The following KIAA0825 variants were observed in gnomAD, a reference collection of about 807,000 sequenced individuals.
KIAA0825 encodes uncharacterized protein KIAA0825.
KIAA0825 carries 119 observed loss-of-function variants against 147.6 expected under a neutral mutation model. That is an observed-to-expected ratio of 0.81 (90% confidence interval 0.69 to 0.94). The LOEUF (loss-of-function observed/expected upper bound fraction) is 0.94. KIAA0825 is among the 40% of genes least tolerant of loss of function. The pLI, the probability that KIAA0825 is intolerant of heterozygous loss-of-function variation, is 0.00. For synonymous variants in KIAA0825, 470 were observed against 518.1 expected (o/e 0.91, Z 1.26); for missense variants, 1,381 against 1,472.7 (o/e 0.94, Z 1.02).
rs757581104 is a variant in KIAA0825, at chr5:94,452,988, G to A, written c.2328C>T (p.Cys776=). The A allele has an allele frequency of 1.3e-6, 2 of 1,528,106 alleles. No homozygotes were observed. Among genetic ancestry groups the A allele is most frequent in the East Asian group, 5.1e-5 (2 of 39,238 alleles). 94.7% of individuals were successfully genotyped at this position (1,528,106 alleles called of 1,614,324 possible). A position where few individuals can be genotyped will look rare whatever the true frequency, so the allele number is the denominator to read the frequency against. The change falls in exon 13 of 21, where the codon TGC becomes TGT. Residue 776 remains cysteine (C), a synonymous_variant. Transcript: ENST00000682413. The stretch of plus-strand genomic sequence containing the variant: ...GTAAAGAAGGGTAGAAATGTGATAT[G>A]CAAGAAACCCAATATAATGGTTGCT... ...FFKQPLYWVS[C]ISHFYPSLLR...
intron 20 of KIAA0825, among the ~76,000 whole-genome samples, chr5:94,366,068 C>A (rs984237446): frequency 6.6e-6 from 1 of 152,156 alleles, no homozygotes; most frequent in African/African-American, 2.4e-5. Context: ...TCATCTCCGA[C>A]CTGACCAATT....
Position 94,464,996 on chromosome 5 carries a change from G to T in KIAA0825, c.1936C>A (p.Leu646Ile). Residue 646 changes from leucine (L) to isoleucine (I), a missense_variant, in exon 11 of 21, where the codon CTC becomes ATC. Coordinates refer to ENST00000682413, the MANE Select transcript of KIAA0825 (RefSeq NM_001145678.3). The part of the protein sequence containing the change: ...HYFCWSLHYD[L>I]WTILPPKLAQ... Reference sequence around the variant, plus strand: ...AACTTAGGAGGCAGAATGGTCCAGAGATCGTAATGAAGAGACCAGCAGAAA... The same window carrying T: ...AACTTAGGAGGCAGAATGGTCCAGATATCGTAATGAAGAGACCAGCAGAAA... The T allele has an allele frequency of 6.4e-7, 1 of 1,551,706 alleles. No individual in the cohort carries two copies. Among genetic ancestry groups the T allele is most frequent in the Non-Finnish European group, 8.7e-7 (1 of 1,146,984 alleles).
intron 12 of KIAA0825, among the ~76,000 whole-genome samples, chr5:94,461,019 A>G (rs1486818696): frequency 6.6e-6 from 1 of 151,990 alleles, no homozygotes; most frequent in Non-Finnish European, 1.5e-5. Context: ...GAAATTAGCA[A>G]TTTAAATTTG....
intron 20 of KIAA0825, among the ~76,000 whole-genome samples, chr5:94,206,691 T>C (rs1772231419): frequency 6.6e-6 from 1 of 152,176 alleles, no homozygotes; most frequent in Admixed American, 6.5e-5. Flanking sequence ...TTCTTACACA[T>C]CAAAGGTTTC....
chr5:94,157,300 G>T (rs1767126482), intron 20 of KIAA0825, among the ~76,000 whole-genome samples: 1 of 152,144 alleles, frequency 6.6e-6, no homozygotes, highest in Non-Finnish European at 1.5e-5. Flanking sequence ...TGGTGGCAAT[G>T]ACTATGCTGT....
intron 20 of KIAA0825, among the ~76,000 whole-genome samples, chr5:94,383,787 CTGTG>C (rs6149118): frequency 0.027 from 3,942 of 145,392 alleles, 60 homozygotes; most frequent in South Asian, 0.059. Flanking sequence ...TTATACTGCT[CTGTG>C]TGTGTGTGTG....
At chr5:94,616,994 T>C (rs1230631676) in intron 1 of KIAA0825, among the ~76,000 whole-genome samples, 2 of 152,236 alleles carry the variant, frequency 1.3e-5, no homozygotes, top group African/African-American at 4.8e-5. Context: ...GCCATTTAAT[T>C]GTATAATTTA....
rs2346763 is a variant in KIAA0825 at position 94,593,136 on chromosome 5, C to G, written c.-152-10553G>C. On this transcript the variant is annotated intron_variant, in intron 1 of 20. Transcript: ENST00000682413. ...ATACCCTGGTGAATGTGTTATACAT[C>G]ACACAACAGTTTGCTGGTGAGGCCC... The G allele has an allele frequency of 9.4e-6, 7 of 746,380 alleles. No homozygotes were observed. In the East Asian group the frequency reaches 1.7e-4, roughly 19 times the overall value. The allele number at this position is 746,380 out of a possible 1,614,324, so 46.2% of individuals were successfully genotyped here.
intron 14 of KIAA0825, among the ~76,000 whole-genome samples, chr5:94,435,008 GT>G (rs1401733166): frequency 6.6e-6 from 1 of 151,720 alleles, no homozygotes; most frequent in Non-Finnish European, 1.5e-5. Context: ...AGAGAACCTT[GT>G]TTTAAAAAAT....
chr5:94,322,319 C>T (rs1220188120), intron 20 of KIAA0825, among the ~76,000 whole-genome samples: 3 of 151,704 alleles, frequency 2.0e-5, no homozygotes, highest in Non-Finnish European at 4.4e-5. Context: ...ACCTAAAAAT[C>T]AGGGTTTTTT....
At chr5:94,502,121 T>C (rs929183089) in intron 5 of KIAA0825, among the ~76,000 whole-genome samples, 10 of 152,244 alleles carry the variant, frequency 6.6e-5, no homozygotes, top group African/African-American at 2.4e-4. Context: ...TTTAGGATGG[T>C]AGGGTTAAGG....
At chr5:94,448,557 C>A (rs1431633407) in intron 13 of KIAA0825, among the ~76,000 whole-genome samples, 1 of 152,078 alleles carries the variant, frequency 6.6e-6, no homozygotes, top group Non-Finnish European at 1.5e-5. Context: ...AATAAGTAAG[C>A]AAATAGATGA....
At chr5:94,577,318 T>TA (rs1489920130) in intron 2 of KIAA0825, among the ~76,000 whole-genome samples, 7 of 152,120 alleles carry the variant, frequency 4.6e-5, no homozygotes, top group African/African-American at 1.7e-4. Flanking sequence ...AGACAAAGGA[T>TA]AGATAAAATC....
At chr5:94,614,729 G>C (rs1466364416) in intron 1 of KIAA0825, among the ~76,000 whole-genome samples, 2 of 151,200 alleles carry the variant, frequency 1.3e-5, no homozygotes, top group Non-Finnish European at 2.9e-5. Context: ...TCTTTTCTTT[G>C]CATTCCCATG....
intron 5 of KIAA0825, among the ~76,000 whole-genome samples, chr5:94,486,794 T>C (rs1468630107): frequency 6.6e-6 from 1 of 152,200 alleles, no homozygotes; most frequent in Non-Finnish European, 1.5e-5. Context: ...ATTTGACTTA[T>C]CTTAAGCTTT....
At chr5:94,435,143 A>C (rs774985735) in intron 14 of KIAA0825, among the ~76,000 whole-genome samples, 1 of 150,718 alleles carries the variant, frequency 6.6e-6, no homozygotes. Context: ...TTAAGTTTTC[A>C]GTTCAGGGGT....
intron 20 of KIAA0825, among the ~76,000 whole-genome samples, chr5:94,176,216 G>T (rs1333957452): frequency 6.6e-6 from 1 of 152,036 alleles, no homozygotes; most frequent in South Asian, 2.1e-4. Flanking sequence ...TCCCACAAGA[G>T]CAGGTTTTTA....
intron 14 of KIAA0825, among the ~76,000 whole-genome samples, chr5:94,422,602 C>A (rs1754339491): frequency 6.6e-6 from 1 of 152,086 alleles, no homozygotes; most frequent in Admixed American, 6.6e-5. Flanking sequence ...TTTTTCTTCC[C>A]TATAGTCCCT....
intron 14 of KIAA0825, among the ~76,000 whole-genome samples, chr5:94,432,960 T>C (rs1025587147): frequency 2.0e-5 from 3 of 152,174 alleles, no homozygotes; most frequent in African/African-American, 7.2e-5. Context: ...TAAAATGCCT[T>C]ATATTACCTG....
Sources: gnomAD v4.1 joint callset for allele counts (sites outside exome capture counted in the v4.1 genomes callset) on GRCh38, gnomAD v4.1.1 for gene constraint, MANE v1.5 for transcripts, NCBI Gene and HGNC (gene_info 2026-07-23, HGNC 2026-07-21) for gene names.